SCGN: variants seen among roughly 807,000 people sequenced by gnomAD.
SCGN encodes secretagogin, EF-hand calcium binding protein, also known as secretagogin.
In SCGN, 30 loss-of-function variants were observed where a neutral mutation model predicts 39.7. The ratio of observed to expected loss-of-function variants is 0.76; its 90% CI spans 0.57 to 1.03. The LOEUF (loss-of-function observed/expected upper bound fraction) is 1.03. SCGN is among the 50% of genes least tolerant of loss of function. The pLI is 0.00. For synonymous variants in SCGN, 106 were observed against 114.1 expected (o/e 0.93, Z 0.45); for missense variants, 353 against 349.4 (o/e 1.01, Z -0.08).
At chr6:25,655,153 A>G (rs1465843456) in intron 2 of SCGN, among the ~76,000 whole-genome samples, 1 of 152,240 alleles carries the variant, frequency 6.6e-6, no homozygotes, top group East Asian at 1.9e-4. Flanking sequence ...AAAAAGACAA[A>G]GTTAAAACCA....
rs1759768755 is a variant in SCGN at position 25,691,114 on chromosome 6, A to G, written c.692A>G (p.Glu231Gly). Residue 231 changes from glutamate to glycine, a missense_variant, in exon 10 of 11, where the codon GAG becomes GGG. Coordinates refer to ENST00000377961, the MANE Select transcript of SCGN (RefSeq NM_006998.4). The part of the protein sequence containing the change: ...EVDGFVKDMM[E>G]LVQPSISGVD... ...GATGGGTTTGTCAAAGACATGATGG[A>G]GCTTGTCCAGGTGAGTGCACGTTCT... 6.2e-7 allele frequency: 1 copy of G among 1,612,754 alleles called. No individual in the cohort carries two copies. Among genetic ancestry groups the G allele is most frequent in the African/African-American group, 1.3e-5 (1 of 74,904 alleles).
chr6:25,687,537 GC>G (rs1462113188), intron 7 of SCGN, among the ~76,000 whole-genome samples: 1 of 151,986 alleles, frequency 6.6e-6, no homozygotes, highest in Non-Finnish European at 1.5e-5. Context: ...CTGGTATTCT[GC>G]CAACATGCTG....
chr6:25,697,688 G>A (rs1030016938), intron 10 of SCGN, among the ~76,000 whole-genome samples: 1 of 152,162 alleles, frequency 6.6e-6, no homozygotes, highest in Admixed American at 6.5e-5. Context: ...GGAAGAGAAG[G>A]CCAGCCCCAA....
chr6:25,669,398 T>C, intron 4 of SCGN, 113 bp from the exon 5 acceptor site: 1 of 913,310 alleles, frequency 1.1e-6, no homozygotes, highest in Non-Finnish European at 1.7e-6. Flanking sequence ...CCATCAAAAG[T>C]GGAATTTCCA....
intron 6 of SCGN, among the ~76,000 whole-genome samples, chr6:25,676,900 A>C (rs1759570693): frequency 6.6e-6 from 1 of 152,184 alleles, no homozygotes; most frequent in Non-Finnish European, 1.5e-5. Flanking sequence ...GAATGAACGC[A>C]CGAATAAATG....
In SCGN at chr6:25,689,653, T is replaced by C. The variant is rs1008879760; in HGVS notation, c.633+121T>C. On this transcript the variant is annotated intron_variant, in intron 9 of 10. Coordinates refer to ENST00000377961, the MANE Select transcript of SCGN (RefSeq NM_006998.4). ...ACATGATGAATACCAATCCCATCTG[T>C]GTGTTCTAGGTCAAGGTACTCTCAA... is the stretch of plus-strand genomic sequence containing the variant. 8.8e-6 allele frequency: 7 copies of C among 793,124 alleles called. No homozygotes were observed. The African/African-American group carries it at 1.0e-4, about 12-fold the overall frequency. 49.1% of individuals were successfully genotyped at this position (793,124 alleles called of 1,614,324 possible). A position where few individuals can be genotyped will look rare whatever the true frequency, so the allele number is the denominator to read the frequency against.
At chr6:25,669,471 A>T in intron 4 of SCGN, 40 bp from the exon 5 acceptor site, 1 of 1,545,232 alleles carries the variant, frequency 6.5e-7, no homozygotes, top group African/African-American at 1.4e-5. Flanking sequence ...ATTCCAAGTT[A>T]TCTGAGGATA....
chr6:25,656,689 A>T lies in SCGN; in HGVS notation c.153+3237A>T, dbSNP rs566208096. ...AGATAAGGACTGATGGGAAATTACA[A>T]CAGAGGAAGCCCCAGTTTCTTTTGC... On this transcript the variant is annotated intron_variant, in intron 2 of 10. Coordinates refer to ENST00000377961, the MANE Select transcript of SCGN (RefSeq NM_006998.4). Among the ~76,000 whole-genome samples the T allele has an allele frequency of 2.6e-5, 4 of 152,330 alleles. No individual in the cohort carries two copies. The South Asian group carries it at 8.3e-4, about 32-fold the overall frequency.
intron 6 of SCGN, among the ~76,000 whole-genome samples, chr6:25,675,926 T>C (rs1315219997): frequency 6.6e-6 from 1 of 152,218 alleles, no homozygotes. Flanking sequence ...TCTCTAAACC[T>C]CTTGGATACA....
At chr6:25,666,393 T>C (rs1760426055) in intron 4 of SCGN, among the ~76,000 whole-genome samples, 1 of 152,130 alleles carries the variant, frequency 6.6e-6, no homozygotes. Flanking sequence ...AGGCATCTAT[T>C]TTATGGTTAA....
intron 2 of SCGN, 139 bp downstream of exon 2, chr6:25,653,591 G>C (rs1760173503): frequency 3.1e-6 from 2 of 636,578 alleles, no homozygotes; most frequent in Non-Finnish European, 5.5e-6. Context: ...CCCTCTCCTA[G>C]CAACATAGAG....
chr6:25,679,927 T>C (rs563051815), intron 6 of SCGN, among the ~76,000 whole-genome samples: 3 of 152,346 alleles, frequency 2.0e-5, no homozygotes, highest in East Asian at 1.9e-4. Flanking sequence ...CCAGACTTTA[T>C]AGAGCTAAGA....
rs774138132 is a variant in SCGN at position 25,652,382 on chromosome 6, C to G, written c.-22C>G. On this transcript the variant is annotated 5_prime_UTR_variant, in exon 1 of 11. Transcript: ENST00000377961. Reference sequence around the variant, plus strand: ...TTGTCTAGGTCCTTCCGCGCCGGTGCCTGGTCTTCGTCGTCAACACCATGG... The same window carrying G: ...TTGTCTAGGTCCTTCCGCGCCGGTGGCTGGTCTTCGTCGTCAACACCATGG... 1 of 1,611,160 alleles carries G rather than the reference C, an allele frequency of 6.2e-7. No homozygotes were observed. Among genetic ancestry groups the G allele is most frequent in the Non-Finnish European group, 8.5e-7 (1 of 1,177,430 alleles).
chr6:25,672,134 C>T (rs941289879), intron 6 of SCGN, among the ~76,000 whole-genome samples: 9 of 152,174 alleles, frequency 5.9e-5, no homozygotes, highest in Non-Finnish European at 1.3e-4. Flanking sequence ...CTTCTGTAGC[C>T]TTCCCTCCAC....
chr6:25,701,101 C>G (rs1038469252), intron 10 of SCGN, 106 bp from the exon 11 acceptor site: 2 of 1,288,428 alleles, frequency 1.6e-6, no homozygotes, highest in African/African-American at 3.0e-5. Context: ...TGTGGCCTGT[C>G]TCCTTCAAGG....
At chr6:25,689,755 T>C (rs1195980471) in intron 9 of SCGN, among the ~76,000 whole-genome samples, 1 of 152,096 alleles carries the variant, frequency 6.6e-6, no homozygotes, top group Non-Finnish European at 1.5e-5. Context: ...AAAATGACTT[T>C]TTTTTTTGAC....
chr6:25,671,034 A>G (rs1335975966), intron 6 of SCGN, among the ~76,000 whole-genome samples: 2 of 148,570 alleles, frequency 1.3e-5, no homozygotes, highest in African/African-American at 4.9e-5. Context: ...TATTTATTAT[A>G]TAAAGAGTTA....
At chr6:25,681,223 T>C (rs963784331) in intron 6 of SCGN, among the ~76,000 whole-genome samples, 2 of 152,226 alleles carry the variant, frequency 1.3e-5, no homozygotes, top group African/African-American at 4.8e-5. Context: ...TAAGTCTCTC[T>C]ATGAAAGGAA....
chr6:25,665,104 G>A (rs1760404179), intron 4 of SCGN, 72 bp downstream of exon 4: 6 of 1,186,412 alleles, frequency 5.1e-6, no homozygotes, highest in Non-Finnish European at 6.2e-6. Flanking sequence ...ACCTGCTGTG[G>A]CTGCCACCAC....
Sources: allele counts gnomAD v4.1 joint callset (sites outside exome capture counted in the v4.1 genomes callset), GRCh38; gene constraint gnomAD v4.1.1; transcripts MANE v1.5; gene names NCBI Gene and HGNC (gene_info 2026-07-23, HGNC 2026-07-21).